Variants in FRMD5 observed in about 807,000 individuals in gnomAD.
FRMD5 encodes the protein FERM domain containing 5.
In FRMD5, 20 loss-of-function variants were observed where a neutral mutation model predicts 69.0. The observed-to-expected ratio is 0.29, with a 90% CI of 0.20 to 0.42. The LOEUF is 0.42. Among genes scored for constraint, FRMD5 ranks in the 10% least tolerant of loss-of-function variants. The pLI is 1.00. For missense variants in FRMD5, 595 were observed against 708.6 expected (o/e 0.84, Z 1.82); for synonymous variants, 271 against 260.1 (o/e 1.04, Z -0.40).
intron 11 of FRMD5, 65 bp downstream of exon 11, chr15:43,885,616 C>A: frequency 7.4e-7 from 1 of 1,348,402 alleles, no homozygotes; most frequent in South Asian, 1.2e-5. Flanking sequence ...GGATAAGGAC[C>A]ACTGAGTTCT....
chr15:43,901,525 G>A (rs1279831888), intron 7 of FRMD5, among the ~76,000 whole-genome samples: 1 of 152,164 alleles, frequency 6.6e-6, no homozygotes, highest in Non-Finnish European at 1.5e-5. Flanking sequence ...TAGAGACCAG[G>A]AGTGTCAAAG....
intron 1 of FRMD5, among the ~76,000 whole-genome samples, chr15:43,926,179 T>C (rs1437645429): frequency 1.3e-5 from 2 of 152,156 alleles, no homozygotes; most frequent in Non-Finnish European, 2.9e-5. Context: ...CCCATAACCT[T>C]CTACTTCAGA....
chr15:44,078,716 C>T (rs1393151706), intron 1 of FRMD5, among the ~76,000 whole-genome samples: 1 of 152,114 alleles, frequency 6.6e-6, no homozygotes, highest in Non-Finnish European at 1.5e-5. Context: ...CAACAAATGG[C>T]TTTGGGATAT....
chr15:44,139,272 A>G (rs2077231085), intron 1 of FRMD5, among the ~76,000 whole-genome samples: 1 of 149,350 alleles, frequency 6.7e-6, no homozygotes, highest in Non-Finnish European at 1.5e-5. Context: ...AAGAACAGAA[A>G]CACCATCTAT....
chr15:44,038,904 C>A (rs957352362), intron 1 of FRMD5, among the ~76,000 whole-genome samples: 2 of 152,156 alleles, frequency 1.3e-5, no homozygotes, highest in African/African-American at 4.8e-5. Flanking sequence ...CAGGTCCCAC[C>A]CCCATAGAGC....
chr15:43,917,924 G>A (rs2089422722), intron 4 of FRMD5: 1 of 152,324 alleles, frequency 6.6e-6, no homozygotes, highest in Admixed American at 6.5e-5. Context: ...GCATCTGCAG[G>A]AAACAAGCCT....
At position 44,106,670 on chromosome 15, in the gene FRMD5, G is replaced by A. The variant is rs1295670226; in HGVS notation, c.102+88283C>T. ...TAAGTATACTTCCCTCTGGACTCCC[G>A]TGGTGTGTAAGATCTCTGCACTTAC... On this transcript the variant is annotated intron_variant, in intron 1 of 13. Transcript: ENST00000417257. Among the ~76,000 whole-genome samples the A allele has an allele frequency of 2.6e-5, 4 of 152,034 alleles. 1 individual carries two copies. Among genetic ancestry groups the A allele is most frequent in the South Asian group, 4.2e-4 (2 of 4,804 alleles).
intron 1 of FRMD5, among the ~76,000 whole-genome samples, chr15:44,189,794 A>G (rs2078164117): frequency 6.6e-6 from 1 of 152,108 alleles, no homozygotes; most frequent in South Asian, 2.1e-4. Flanking sequence ...GTCTAGCCAA[A>G]AGTCCAAAGA....
chr15:44,154,043 C>T (rs1020123101), intron 1 of FRMD5, among the ~76,000 whole-genome samples: 2 of 152,020 alleles, frequency 1.3e-5, no homozygotes, highest in East Asian at 1.9e-4. Context: ...AAAATGTTGA[C>T]GGGTGCAATG....
At chr15:44,006,103 C>T (rs1057351658) in intron 1 of FRMD5, among the ~76,000 whole-genome samples, 2 of 152,164 alleles carry the variant, frequency 1.3e-5, no homozygotes, top group Non-Finnish European at 2.9e-5. Context: ...GACAGGCTGA[C>T]TCAGATTAAA....
rs541034815 is a variant in FRMD5 at position 43,945,305 on chromosome 15, G to C, written c.103-20996C>G. Among the ~76,000 whole-genome samples the C allele has an allele frequency of 1.4e-4, 22 of 152,166 alleles. No homozygotes were observed. The South Asian group carries it at 4.6e-3, about 32-fold the overall frequency. ...TGGGAGAGTTGGTTCAATAGGAAGT[G>C]CTTGGTCATTATAGGAAGTAAAGAC... On this transcript the variant is annotated intron_variant, in intron 1 of 13. Transcript: ENST00000417257.
intron 1 of FRMD5, among the ~76,000 whole-genome samples, chr15:44,119,885 C>G (rs943036984): frequency 2.3e-4 from 14 of 61,872 alleles, no homozygotes; most frequent in Admixed American, 2.2e-4. Context: ...ACCTAACATA[C>G]AGTGAGTGGT....
At chr15:44,078,860 T>G (rs932330035) in intron 1 of FRMD5, among the ~76,000 whole-genome samples, 8 of 152,094 alleles carry the variant, frequency 5.3e-5, no homozygotes, top group African/African-American at 1.9e-4. Context: ...AAAAATTTCA[T>G]GCCATTAGAT....
At chr15:43,919,063 G>T in intron 4 of FRMD5, 1 of 317,236 alleles carries the variant, frequency 3.2e-6, no homozygotes, top group Non-Finnish European at 6.3e-6. Context: ...TATGCCTTTG[G>T]CATTTTCCAA....
At chr15:44,148,454 G>A (rs10438304) in intron 1 of FRMD5, among the ~76,000 whole-genome samples, 11,737 of 152,056 alleles carry the variant, frequency 0.077, 742 homozygotes, top group East Asian at 0.17. Flanking sequence ...TGTATTTTTA[G>A]TTGAGACGGG....
chr15:44,140,079 G>A (rs1012740777), intron 1 of FRMD5, among the ~76,000 whole-genome samples: 4 of 151,780 alleles, frequency 2.6e-5, no homozygotes, highest in African/African-American at 9.7e-5. Context: ...ACATATATGT[G>A]TGTATACATA....
At chr15:44,164,549 T>C (rs1033075616) in intron 1 of FRMD5, among the ~76,000 whole-genome samples, 25 of 152,196 alleles carry the variant, frequency 1.6e-4, no homozygotes, top group Non-Finnish European at 2.6e-4. Flanking sequence ...CAGTAAATTT[T>C]AAAACTTTGT....
intron 1 of FRMD5, among the ~76,000 whole-genome samples, chr15:44,105,236 C>T (rs915413824): frequency 2.6e-5 from 4 of 151,932 alleles, no homozygotes; most frequent in Admixed American, 1.3e-4. Flanking sequence ...AACACCTCGC[C>T]CAGCTAATTT....
intron 1 of FRMD5, among the ~76,000 whole-genome samples, chr15:44,174,165 C>T (rs1202500933): frequency 6.6e-6 from 1 of 152,136 alleles, no homozygotes; most frequent in Non-Finnish European, 1.5e-5. Flanking sequence ...GCTCACTCAT[C>T]AGTCCCAAAG....
Sources: allele counts gnomAD v4.1 joint callset (sites outside exome capture counted in the v4.1 genomes callset), GRCh38; gene constraint gnomAD v4.1.1; transcripts MANE v1.5; gene names NCBI Gene and HGNC (gene_info 2026-07-23, HGNC 2026-07-21).